Variants in ADARB1 observed in about 807,000 individuals in gnomAD.
ADARB1 encodes adenosine deaminase RNA specific B1.
A neutral mutation model predicts 52.4 loss-of-function variants in ADARB1; 10 were observed. The observed-to-expected ratio is 0.19, with a 90% CI of 0.12 to 0.32. ADARB1 has a LOEUF of 0.32. ADARB1 is among the 10% of genes least tolerant of loss of function. The pLI, the probability that ADARB1 is intolerant of heterozygous loss-of-function variation, is 1.00. For missense variants in ADARB1, 643 were observed against 922.3 expected (o/e 0.70, Z 3.92); for synonymous variants, 349 against 371.1 (o/e 0.94, Z 0.68).
intron 1 of ADARB1, among the ~76,000 whole-genome samples, chr21:45,124,408 T>G (rs537295121): frequency 5.0e-4 from 76 of 152,334 alleles, no homozygotes; most frequent in Non-Finnish European, 8.7e-4. Flanking sequence ...GGTCTCACTC[T>G]GTCTCCCAGG....
chr21:45,171,976 C>T (rs138360418), intron 3 of ADARB1, among the ~76,000 whole-genome samples: 71 of 152,268 alleles, frequency 4.7e-4, no homozygotes, highest in African/African-American at 1.7e-3. Flanking sequence ...AGTCCTGTCA[C>T]GGCATGCCTC....
At chr21:45,094,739 A>G (rs2086689008) in intron 1 of ADARB1, among the ~76,000 whole-genome samples, 1 of 151,884 alleles carries the variant, frequency 6.6e-6, no homozygotes, top group African/African-American at 2.4e-5. Context: ...GAGGGGAGAG[A>G]GGGGGGCAAA....
chr21:45,212,502 A>G (rs1602019439), intron 9 of ADARB1, among the ~76,000 whole-genome samples: 1 of 152,136 alleles, frequency 6.6e-6, no homozygotes, highest in African/African-American at 2.4e-5. Context: ...CCCAGCAGCA[A>G]TCAGTAAATG....
At chr21:45,180,289 C>A in intron 4 of ADARB1, 41 bp from the exon 5 acceptor site, 1 of 1,440,256 alleles carries the variant, frequency 6.9e-7, no homozygotes, top group Non-Finnish European at 9.7e-7. Context: ...CTGCTCCCAG[C>A]TGCATCTGGC....
chr21:45,204,767 CT>C lies in ADARB1; in HGVS notation c.1747+32del. 1 of 1,601,780 alleles carries C rather than the reference CT, an allele frequency of 6.2e-7. No individual in the cohort carries two copies. Among genetic ancestry groups the C allele is most frequent in the Non-Finnish European group, 8.5e-7 (1 of 1,171,538 alleles). Reference sequence around the variant, plus strand: ...TATCTCTAGAGTGTGCTGATTTAATCTCTGTCTTGATTTTGCAATGTTTTCA... The same window carrying C: ...TATCTCTAGAGTGTGCTGATTTAATCCTGTCTTGATTTTGCAATGTTTTCA... On this transcript the variant is annotated intron_variant, in intron 9 of 10. Transcript: ENST00000348831. This position sits in a 1 kb window ranked among gnomAD's most constrained non-coding sequence, Gnocchi z 4.4.
intron 1 of ADARB1, among the ~76,000 whole-genome samples, chr21:45,096,890 C>T (rs905349362): frequency 1.3e-5 from 2 of 152,204 alleles, no homozygotes; most frequent in Non-Finnish European, 2.9e-5. Flanking sequence ...CAGGCGCCTG[C>T]CACCACGCCC....
At chr21:45,211,592 T>G (rs1424189438) in intron 9 of ADARB1, among the ~76,000 whole-genome samples, 1 of 152,206 alleles carries the variant, frequency 6.6e-6, no homozygotes, top group Non-Finnish European at 1.5e-5. Context: ...GAAAATACCT[T>G]TAGGGTAGAA....
At chr21:45,211,443 G>A (rs1043860231) in intron 9 of ADARB1, among the ~76,000 whole-genome samples, 10 of 152,156 alleles carry the variant, frequency 6.6e-5, no homozygotes, top group African/African-American at 2.2e-4. Context: ...AGTCGAGATT[G>A]TAAGTACACA....
At position 45,223,715 on chromosome 21, in the gene ADARB1, T is replaced by C. The variant is rs1459369841; in HGVS notation, c.*1518T>C. 1.0e-6 allele frequency: 1 copy of C among 985,292 alleles called. No homozygotes were observed. Among genetic ancestry groups the C allele is most frequent in the East Asian group, 1.1e-4 (1 of 8,812 alleles). The allele number at this position is 985,292 out of a possible 1,614,324, so 61.0% of individuals were successfully genotyped here. A position where few individuals can be genotyped will look rare whatever the true frequency, so the allele number is the denominator to read the frequency against. ...AAACCAGAGCAGGGGCAGAGGGGCGTCATCCTCCCACCGGACGCTGGGAGC... is the reference window on the plus strand; with the variant it reads ...AAACCAGAGCAGGGGCAGAGGGGCGCCATCCTCCCACCGGACGCTGGGAGC... On this transcript the variant is annotated 3_prime_UTR_variant, in exon 11 of 11. Transcript: ENST00000348831.
chr21:45,132,930 A>G (rs1049135681), intron 2 of ADARB1, among the ~76,000 whole-genome samples: 2 of 152,230 alleles, frequency 1.3e-5, no homozygotes, highest in African/African-American at 4.8e-5. Context: ...TAGAAAATAC[A>G]CCATAAAAGA....
intron 9 of ADARB1, among the ~76,000 whole-genome samples, chr21:45,211,726 A>G (rs2092771891): frequency 6.6e-6 from 1 of 152,240 alleles, no homozygotes; most frequent in South Asian, 2.1e-4. Context: ...ATTTACAACA[A>G]CAGAGGGATT....
At position 45,138,838 on chromosome 21, in the gene ADARB1, G is replaced by A. The variant is rs75984700; in HGVS notation, c.-48+10265G>A. Among the ~76,000 whole-genome samples, 1,308 of 152,060 alleles carry A rather than the reference G, an allele frequency of 8.6e-3. 21 individuals are homozygous for A. Among genetic ancestry groups the A allele is most frequent in the African/African-American group, 0.03 (1,250 of 41,454 alleles). On this transcript the variant is annotated intron_variant, in intron 2 of 10. Coordinates refer to ENST00000348831, the MANE Select transcript of ADARB1 (RefSeq NM_001112.4). Reference sequence around the variant, plus strand: ...GCCCTGGGCGGCCTCTCAGTTTCCTGCATGGAAGGCAGCAGAAGCACTTAT... The same window carrying A: ...GCCCTGGGCGGCCTCTCAGTTTCCTACATGGAAGGCAGCAGAAGCACTTAT...
rs141888114 is a variant in ADARB1 at position 45,088,137 on chromosome 21, G to A, written c.-220+13344G>A. On this transcript the variant is annotated intron_variant, in intron 1 of 10. Transcript: ENST00000348831. ...ATGTACAGCACAGGAGTAAACATAGGTGTACGCGTTACATGCATGGGTTAG... is the reference window on the plus strand; with the variant it reads ...ATGTACAGCACAGGAGTAAACATAGATGTACGCGTTACATGCATGGGTTAG... Among the ~76,000 whole-genome samples, 483 of 152,318 alleles carry A rather than the reference G, an allele frequency of 3.2e-3. 4 individuals are homozygous for A. The highest frequency in any genetic ancestry group is 0.014 in the Middle Eastern group (4 of 294).
At chr21:45,112,819 G>T (rs1425153868) in intron 1 of ADARB1, among the ~76,000 whole-genome samples, 1 of 152,046 alleles carries the variant, frequency 6.6e-6, no homozygotes, top group African/African-American at 2.4e-5. Flanking sequence ...AGGAAGTTCT[G>T]GGGAGATCAG....
At chr21:45,093,619 A>T (rs962922260) in intron 1 of ADARB1, among the ~76,000 whole-genome samples, 1 of 152,148 alleles carries the variant, frequency 6.6e-6, no homozygotes, top group East Asian at 1.9e-4. Context: ...TCTCAGGAAG[A>T]GGCCCTTTGA....
At position 45,184,931 on chromosome 21, in the gene ADARB1, G is replaced by A; in HGVS notation, c.1405G>A (p.Asp469Asn). Residue 469 changes from aspartate to asparagine, a missense_variant, in exon 8 of 11, where the codon GAT (aspartate) becomes AAT (asparagine). Physicochemically the swap from Asp to Asn is conservative, Grantham distance 23. Transcript: ENST00000348831. ...PHEPILEEPADRHPNRKARGQ... is the reference protein window; with the variant it reads ...PHEPILEEPANRHPNRKARGQ... ...CTCTTTTTCTCTCTTAGAACCAGCA[G>A]ATAGACACCCAAATCGTAAAGCAAG... 1 of 1,611,716 alleles carries A rather than the reference G, an allele frequency of 6.2e-7. No individual in the cohort carries two copies. The highest frequency in any genetic ancestry group is 8.5e-7 in the Non-Finnish European group (1 of 1,177,972).
intron 8 of ADARB1, among the ~76,000 whole-genome samples, chr21:45,197,474 T>TG (rs1282499036): frequency 6.8e-6 from 1 of 146,446 alleles, no homozygotes; most frequent in Non-Finnish European, 1.5e-5. Flanking sequence ...CGCTCCAGCC[T>TG]GGGGAACAGA....
intron 2 of ADARB1, among the ~76,000 whole-genome samples, chr21:45,139,933 CTTTTT>C (rs200847132): frequency 1.1e-4 from 9 of 84,936 alleles, no homozygotes; most frequent in African/African-American, 2.8e-4. Context: ...CAATAAAACT[CTTTTT>C]TTTTTTTTTT....
At position 45,224,904 on chromosome 21, in the gene ADARB1, CT is replaced by C. The variant is rs1332603964; in HGVS notation, c.*2711del. 2 of 985,604 alleles carry C rather than the reference CT, an allele frequency of 2.0e-6. No homozygotes were observed. The highest frequency in any genetic ancestry group is 1.7e-5 in the African/African-American group (1 of 57,162). 61.1% of individuals were successfully genotyped at this position (985,604 alleles called of 1,614,324 possible). Reference sequence around the variant, plus strand: ...CTCCCTTCTGAGCGCTCGGTGTGCACTTTTAGACTATAGCTGTTTCATTGAC... The same window carrying C: ...CTCCCTTCTGAGCGCTCGGTGTGCACTTTAGACTATAGCTGTTTCATTGAC... On this transcript the variant is annotated 3_prime_UTR_variant, in exon 11 of 11. Transcript: ENST00000348831.
Sources: allele counts gnomAD v4.1 joint callset (sites outside exome capture counted in the v4.1 genomes callset), GRCh38; gene constraint gnomAD v4.1.1; non-coding constraint Gnocchi (gnomAD v3.1); transcripts MANE v1.5; gene names NCBI Gene and HGNC (gene_info 2026-07-23, HGNC 2026-07-21).